Variants in TMEM68 observed in about 807,000 individuals in gnomAD.
The protein encoded by TMEM68 is transmembrane protein 68, also known as DGAT1/2-independent enzyme synthesizing storage lipids.
In TMEM68, 25 loss-of-function variants were observed where a neutral mutation model predicts 36.9. The observed-to-expected ratio is 0.68, with a 90% confidence interval of 0.49 to 0.95. The LOEUF (loss-of-function observed/expected upper bound fraction) is 0.95. TMEM68 is among the 40% of genes least tolerant of loss of function. The probability of loss-of-function intolerance (pLI) is 0.00; values close to 1 mark genes in which losing one functional copy is unlikely to be tolerated. For missense variants in TMEM68, 333 were observed against 392.0 expected, an observed-to-expected ratio of 0.85 and a Z score of 1.27; for synonymous variants, 131 against 124.4, an observed-to-expected ratio of 1.05 and a Z score of -0.35.
At chr8:55,760,580 T>G (rs1810753020) in intron 3 of TMEM68, among the ~76,000 whole-genome samples, 2 of 152,244 alleles carry the variant, frequency 1.3e-5, no homozygotes, top group African/African-American at 4.8e-5. Context: ...AAAATATTAG[T>G]CTGTTTCTTT....
chr8:55,755,005 T>G (rs1810559745), intron 4 of TMEM68, among the ~76,000 whole-genome samples: 1 of 146,344 alleles, frequency 6.8e-6, no homozygotes, highest in African/African-American at 2.5e-5. Flanking sequence ...TTTTTTTAAA[T>G]GTAGTCTTCA....
chr8:55,754,496 CAT>C (rs1810517036), intron 4 of TMEM68, among the ~76,000 whole-genome samples: 1 of 136,918 alleles, frequency 7.3e-6, no homozygotes, highest in Non-Finnish European at 1.6e-5. Flanking sequence ...CACACACATA[CAT>C]ACACACACAC....
intron 7 of TMEM68, among the ~76,000 whole-genome samples, chr8:55,740,595 C>T (rs1013421615): frequency 3.3e-5 from 5 of 152,086 alleles, no homozygotes; most frequent in Non-Finnish European, 7.4e-5. Context: ...AGCACAGCAA[C>T]ACCTTGCACA....
rs867530166 is a variant in TMEM68 at position 55,756,361 on chromosome 8, T to C, written c.376A>G (p.Ile126Val). Residue 126 changes from isoleucine (I) to valine (V), a missense_variant, in exon 4 of 8, where the codon ATA becomes GTA. By Grantham distance (29) the Ile-to-Val change is conservative. Coordinates refer to ENST00000434581, the MANE Select transcript of TMEM68 (RefSeq NM_001286657.2). ...GGAATAGCTCCATGATAAAAAATTA[T>C]AAGTGCTGGTCCATCTTCTGGTATT... ...EKIPEDGPAL[I>V]IFYHGAIPID... The C allele has an allele frequency of 1.9e-6, 3 of 1,602,714 alleles. No individual in the cohort carries two copies. Among genetic ancestry groups the C allele is most frequent in the Non-Finnish European group, 2.5e-6 (3 of 1,176,484 alleles).
At chr8:55,757,842 A>G (rs750420194) in intron 3 of TMEM68, among the ~76,000 whole-genome samples, 1 of 152,126 alleles carries the variant, frequency 6.6e-6, no homozygotes, top group South Asian at 2.1e-4. Context: ...CAGTGGCAGC[A>G]AATTTGCTTC....
intron 5 of TMEM68, chr8:55,746,317 CAAAAAAAAAAA>C (rs376241142): frequency 7.0e-5 from 4 of 57,184 alleles, no homozygotes; most frequent in South Asian, 1.1e-3. Context: ...CACTGTCTCC[CAAAAAAAAAAA>C]AAAAAAAAAA....
At position 55,771,154 on chromosome 8, in the gene TMEM68, C is replaced by A. The variant is rs117689376; in HGVS notation, c.-115+2115G>T. Among the ~76,000 whole-genome samples the A allele has an allele frequency of 7.5e-3, 1,050 of 139,272 alleles. 8 individuals are homozygous for A. The highest frequency in any genetic ancestry group is 0.022 in the Middle Eastern group (6 of 270). The allele number at this position is 139,272 out of a possible 152,430, so 91.4% of individuals were successfully genotyped here. On this transcript the variant is annotated intron_variant, in intron 1 of 7. Coordinates refer to ENST00000434581, the MANE Select transcript of TMEM68 (RefSeq NM_001286657.2). ...AGGCAACAAAAATGAATCTCCGTCT[C>A]CAAAAAAAAAAAAAAGTTGACAAGC...
chr8:55,744,073 A>G (rs1810189661), intron 6 of TMEM68, among the ~76,000 whole-genome samples: 1 of 151,990 alleles, frequency 6.6e-6, no homozygotes, highest in South Asian at 2.1e-4. Context: ...AAGTCTATAG[A>G]GTCTCACAAA....
chr8:55,769,937 C>T (rs1811100161), intron 1 of TMEM68, among the ~76,000 whole-genome samples: 1 of 152,080 alleles, frequency 6.6e-6, no homozygotes, highest in African/African-American at 2.4e-5. Context: ...TTGGCCTCAT[C>T]TAAATCTTTA....
At chr8:55,742,436 A>G (rs1263323689) in intron 7 of TMEM68, among the ~76,000 whole-genome samples, 1 of 152,204 alleles carries the variant, frequency 6.6e-6, no homozygotes, top group East Asian at 1.9e-4. Context: ...TGTGTTTACC[A>G]TATGTTTTAC....
intron 1 of TMEM68, among the ~76,000 whole-genome samples, chr8:55,769,273 G>A (rs1299038460): frequency 7.7e-6 from 1 of 130,602 alleles, no homozygotes; most frequent in Non-Finnish European, 1.5e-5. Context: ...TATAAGCCGA[G>A]ATTCTGACAG....
In TMEM68 at chr8:55,753,130, T is replaced by C. The variant is rs376385429; in HGVS notation, c.494-1973A>G. On this transcript the variant is annotated intron_variant, in intron 4 of 7. Transcript: ENST00000434581. ...GTCTTAAGGTCTTTAATGATCTTTA[T>C]GATCATTAAAAAGATCATAAAGAGG... Among the ~76,000 whole-genome samples the C allele has an allele frequency of 5.9e-5, 9 of 152,104 alleles. No individual in the cohort carries two copies. The South Asian group carries it at 1.5e-3, about 25-fold the overall frequency.
Position 55,743,478 on chromosome 8 carries a change from T to C in TMEM68, c.888+3A>G, listed in dbSNP as rs1810165884. On this transcript the variant is annotated splice_donor_region_variant and intron_variant, in intron 7 of 7. Coordinates refer to ENST00000434581, the MANE Select transcript of TMEM68 (RefSeq NM_001286657.2). The stretch of plus-strand genomic sequence containing the variant: ...TAAAACTAAAAAAGAAAAAGCAATT[T>C]ACCTTTTCAGCTAATTCTTCCGCTG... 1.3e-6 allele frequency: 2 copies of C among 1,520,406 alleles called. No homozygotes were observed. The highest frequency in any genetic ancestry group is 1.7e-6 in the Non-Finnish European group (2 of 1,143,002). 94.2% of individuals were successfully genotyped at this position (1,520,406 alleles called of 1,614,324 possible). A position where few individuals can be genotyped will look rare whatever the true frequency, so the allele number is the denominator to read the frequency against.
chr8:55,767,256 T>A (rs1810999691), intron 1 of TMEM68, among the ~76,000 whole-genome samples: 1 of 152,236 alleles, frequency 6.6e-6, no homozygotes, highest in South Asian at 2.1e-4. Context: ...ATTGCTATCA[T>A]CATTATTATT....
At chr8:55,754,444 A>AATATATATATATATATATATATAT (rs769626273) in intron 4 of TMEM68, among the ~76,000 whole-genome samples, 6 of 101,116 alleles carry the variant, frequency 5.9e-5, no homozygotes, top group African/African-American at 2.3e-4. Context: ...CTCTGTCTCG[A>AATATATATATATATATATATATAT]ATATATATAT....
chr8:55,738,766 C>G lies in TMEM68; in HGVS notation c.*1366G>C, dbSNP rs2129882375. 6.6e-6 allele frequency: 1 copy of G among 152,300 alleles called. No homozygotes were observed. The highest frequency in any genetic ancestry group is 1.5e-5 in the Non-Finnish European group (1 of 67,988). 9.4% of individuals were successfully genotyped at this position (152,300 alleles called of 1,614,324 possible). A position where few individuals can be genotyped will look rare whatever the true frequency, so the allele number is the denominator to read the frequency against. The stretch of plus-strand genomic sequence containing the variant: ...ATTAACTGCAACTCAGGTTTATTTT[C>G]ACATTGTTTAATTTTATGTACATTT... On this transcript the variant is annotated 3_prime_UTR_variant, in exon 8 of 8. Transcript: ENST00000434581.
At chr8:55,765,992 A>G (rs1563439326) in intron 1 of TMEM68, among the ~76,000 whole-genome samples, 1 of 152,236 alleles carries the variant, frequency 6.6e-6, no homozygotes, top group Non-Finnish European at 1.5e-5. Context: ...CAAGTGACTT[A>G]CATCCTAGAG....
At chr8:55,753,279 C>T (rs1168132581) in intron 4 of TMEM68, among the ~76,000 whole-genome samples, 3 of 151,950 alleles carry the variant, frequency 2.0e-5, no homozygotes, top group African/African-American at 7.3e-5. Flanking sequence ...TCTAGTCATA[C>T]ACTAAACGTT....
intron 4 of TMEM68, among the ~76,000 whole-genome samples, chr8:55,751,858 G>A (rs1295423161): frequency 6.6e-6 from 1 of 152,148 alleles, no homozygotes; most frequent in African/African-American, 2.4e-5. Flanking sequence ...GAGGACTGAT[G>A]TTAGTATACA....
Sources: allele counts gnomAD v4.1 joint callset (sites outside exome capture counted in the v4.1 genomes callset), GRCh38; gene constraint gnomAD v4.1.1; transcripts MANE v1.5; gene names NCBI Gene and HGNC (gene_info 2026-07-23, HGNC 2026-07-21).